SRRM3: variants seen among roughly 807,000 people sequenced by gnomAD.
SRRM3 encodes serine/arginine repetitive matrix protein 3.
A neutral mutation model predicts 66.2 loss-of-function variants in SRRM3; 27 were observed. The ratio of observed to expected loss-of-function variants is 0.41; its 90% CI spans 0.30 to 0.56. SRRM3 has a LOEUF of 0.56. Among genes scored for constraint, SRRM3 ranks in the 20% least tolerant of loss-of-function variants. The pLI is 0.32. For synonymous variants in SRRM3, 391 were observed against 414.9 expected (o/e 0.94, Z 0.70); for missense variants, 918 against 991.9 (o/e 0.93, Z 1.00).
chr7:76,231,043 G>A (rs761283670), intron 1 of SRRM3, among the ~76,000 whole-genome samples: 6 of 152,044 alleles, frequency 3.9e-5, no homozygotes, highest in South Asian at 4.1e-4. Flanking sequence ...GAGCCACTGC[G>A]CCCAGCCTCA....
At chr7:76,281,086 C>T (rs1485583753) in intron 11 of SRRM3, among the ~76,000 whole-genome samples, 2 of 149,878 alleles carry the variant, frequency 1.3e-5, no homozygotes, top group African/African-American at 4.9e-5. Flanking sequence ...ATCTCTCTCC[C>T]TCTCACTCTG....
At chr7:76,204,538 A>G (rs1554600948) in intron 1 of SRRM3, among the ~76,000 whole-genome samples, 1 of 152,184 alleles carries the variant, frequency 6.6e-6, no homozygotes, top group African/African-American at 2.4e-5. Flanking sequence ...GGACCCCAGG[A>G]TGACTTCCAC....
intron 1 of SRRM3, among the ~76,000 whole-genome samples, chr7:76,214,543 C>G (rs1481987341): frequency 6.6e-6 from 1 of 152,112 alleles, no homozygotes; most frequent in Non-Finnish European, 1.5e-5. Context: ...CGGGGAGGAG[C>G]TGTCACCATG....
chr7:76,280,156 CAG>C (rs1453782831), intron 11 of SRRM3, among the ~76,000 whole-genome samples: 4 of 150,342 alleles, frequency 2.7e-5, no homozygotes, highest in Non-Finnish European at 5.9e-5. Flanking sequence ...AAGAGAGAAA[CAG>C]AAAGACAGTC....
intron 1 of SRRM3, among the ~76,000 whole-genome samples, chr7:76,215,399 T>C (rs890708522): frequency 7.0e-6 from 1 of 143,096 alleles, no homozygotes; most frequent in Admixed American, 7.0e-5. Flanking sequence ...CCGCAGTTTT[T>C]TTTTTTTTTT....
At chr7:76,250,875 G>A (rs566772494) in intron 3 of SRRM3, among the ~76,000 whole-genome samples, 2 of 152,272 alleles carry the variant, frequency 1.3e-5, no homozygotes, top group East Asian at 1.9e-4. Context: ...GAAAAAGCTC[G>A]AGACTGGATT....
rs868965844 is a variant in SRRM3 at position 76,266,586 on chromosome 7, A to T, written c.831-672A>T. Among the ~76,000 whole-genome samples, 592 of 121,372 alleles carry T rather than the reference A, an allele frequency of 4.9e-3. 3 individuals carry two copies. Among genetic ancestry groups the T allele is most frequent in the Admixed American group, 7.5e-3 (71 of 9,442 alleles). The allele number at this position is 121,372 out of a possible 152,430, so 79.6% of individuals were successfully genotyped here. ...TAATATATAAACATTTATATATTAT[A>T]TATTTTATATATTTATATTTAATTA... is the stretch of plus-strand genomic sequence containing the variant. On this transcript the variant is annotated intron_variant, in intron 10 of 14. Transcript: ENST00000611745.
At chr7:76,280,800 C>T (rs938775151) in intron 11 of SRRM3, among the ~76,000 whole-genome samples, 3 of 146,124 alleles carry the variant, frequency 2.1e-5, no homozygotes, top group African/African-American at 7.6e-5. Flanking sequence ...CAACTTCTCG[C>T]TCCTCTTGCT....
chr7:76,240,290 C>G lies in SRRM3; in HGVS notation c.233+4991C>G, dbSNP rs530453351. 1.0e-3 allele frequency among the ~76,000 whole-genome samples: 159 copies of G among 152,106 alleles called. 1 individual carries two copies. The highest frequency in any genetic ancestry group is 3.4e-3 in the Middle Eastern group (1 of 294). On this transcript the variant is annotated intron_variant, in intron 2 of 14. Transcript: ENST00000611745. ...CTTGAGGCCAAGAGTTTGAGACCAG[C>G]CTGTGTAACATAGCAAGACTCCATT...
At chr7:76,237,610 G>T (rs1173410473) in intron 2 of SRRM3, among the ~76,000 whole-genome samples, 6 of 151,992 alleles carry the variant, frequency 3.9e-5, no homozygotes, top group Admixed American at 3.9e-4. Flanking sequence ...AACAAAACCT[G>T]CAAATTCTGC....
intron 1 of SRRM3, among the ~76,000 whole-genome samples, chr7:76,221,577 T>C (rs1554603208): frequency 1.3e-5 from 2 of 151,314 alleles, no homozygotes; most frequent in African/African-American, 4.9e-5. Context: ...TTAGCCAGAA[T>C]GGTCTCGATT....
rs544769347 is a variant in SRRM3, at chr7:76,282,958, C to T, written c.1596-6C>T. Reference sequence around the variant, plus strand: ...GTCGCTCACTTACCTCGCGCCGGCCCCGCAGGGACAAGGACGGCGAGGGCC... The same window carrying T: ...GTCGCTCACTTACCTCGCGCCGGCCTCGCAGGGACAAGGACGGCGAGGGCC... On this transcript the variant is annotated splice_polypyrimidine_tract_variant and splice_region_variant and intron_variant, in intron 13 of 14. Transcript: ENST00000611745. 55 of 1,352,902 alleles carry T rather than the reference C, an allele frequency of 4.1e-5. No homozygotes were observed. The East Asian group carries it at 1.4e-3, about 35-fold the overall frequency. 83.8% of individuals were successfully genotyped at this position (1,352,902 alleles called of 1,614,324 possible).
chr7:76,275,887 C>A (rs537186750), intron 11 of SRRM3, among the ~76,000 whole-genome samples: 1 of 152,180 alleles, frequency 6.6e-6, no homozygotes, highest in Non-Finnish European at 1.5e-5. Flanking sequence ...CCAGCCTGAG[C>A]AACACAGCAA....
At chr7:76,214,565 G>A (rs556990587) in intron 1 of SRRM3, among the ~76,000 whole-genome samples, 17 of 152,138 alleles carry the variant, frequency 1.1e-4, no homozygotes, top group Non-Finnish European at 2.4e-4. Flanking sequence ...TAACAGCTGG[G>A]AGTGTGCAGG....
intron 11 of SRRM3, among the ~76,000 whole-genome samples, chr7:76,271,638 G>A (rs1802216618): frequency 2.0e-5 from 3 of 152,098 alleles, no homozygotes; most frequent in Non-Finnish European, 2.9e-5. Context: ...GCAAGACCCT[G>A]TCTCAAAACA....
intron 1 of SRRM3, among the ~76,000 whole-genome samples, chr7:76,205,939 G>A (rs1181285866): frequency 1.3e-5 from 2 of 152,210 alleles, no homozygotes; most frequent in African/African-American, 4.8e-5. Flanking sequence ...CAGATTTATA[G>A]GACAGAGATA....
chr7:76,244,726 T>G (rs1419793999), intron 2 of SRRM3, among the ~76,000 whole-genome samples: 1 of 152,054 alleles, frequency 6.6e-6, no homozygotes, highest in Non-Finnish European at 1.5e-5. Context: ...TGCTCTGGAG[T>G]CACTGTCTCC....
At chr7:76,258,713 CAAAAAAA>C (rs201265747) in intron 3 of SRRM3, among the ~76,000 whole-genome samples, 11 of 68,300 alleles carry the variant, frequency 1.6e-4, no homozygotes, top group East Asian at 6.5e-4. Flanking sequence ...GACTCCATCT[CAAAAAAA>C]AAAAAAAAAA....
intron 1 of SRRM3, among the ~76,000 whole-genome samples, chr7:76,211,430 A>T (rs139940241): frequency 6.6e-6 from 1 of 151,462 alleles, no homozygotes; most frequent in Admixed American, 6.6e-5. Flanking sequence ...CGGGGGGGGA[A>T]TTATTGCCAG....
Sources: allele counts gnomAD v4.1 joint callset (sites outside exome capture counted in the v4.1 genomes callset), GRCh38; gene constraint gnomAD v4.1.1; transcripts MANE v1.5; gene names NCBI Gene and HGNC (gene_info 2026-07-23, HGNC 2026-07-21).